The following ZNF839 variants were observed in gnomAD, a reference collection of about 807,000 sequenced individuals.
The protein encoded by ZNF839 is zinc finger protein 839.
Under a neutral mutation model 56.4 loss-of-function variants are expected in ZNF839, and 38 were observed. The observed-to-expected ratio is 0.67, with a 90% CI of 0.52 to 0.88. ZNF839 has a LOEUF of 0.88. Among genes scored for constraint, ZNF839 ranks in the 40% least tolerant of loss-of-function variants. The pLI is 0.00. For missense variants in ZNF839, 1,091 were observed against 1,177.6 expected (o/e 0.93, Z 1.08); for synonymous variants, 486 against 493.5 (o/e 0.98, Z 0.20).
At position 102,328,410 on chromosome 14, in the gene ZNF839, A is replaced by G. The variant is rs61283884; in HGVS notation, c.1191+1523A>G. On this transcript the variant is annotated intron_variant, in intron 2 of 7. Coordinates refer to ENST00000442396, the MANE Select transcript of ZNF839 (RefSeq NM_018335.6). ...TATATATATATATATATATATATAT[A>G]TGTATACACACACACACATATAGTA... 2.0e-3 allele frequency among the ~76,000 whole-genome samples: 231 copies of G among 113,570 alleles called. 3 individuals are homozygous for G. The highest frequency in any genetic ancestry group is 7.3e-3 in the African/African-American group (220 of 30,318). 74.5% of individuals were successfully genotyped at this position (113,570 alleles called of 152,430 possible). A position where few individuals can be genotyped will look rare whatever the true frequency, so the allele number is the denominator to read the frequency against.
At chr14:102,322,761 C>T (rs72698581) in intron 1 of ZNF839, among the ~76,000 whole-genome samples, 3,047 of 152,220 alleles carry the variant, frequency 0.02, 54 homozygotes, top group South Asian at 0.075. Flanking sequence ...GACAGGGTCC[C>T]GCTATGTTAC....
At position 102,338,908 on chromosome 14, in the gene ZNF839, T is replaced by A. The variant is rs116469270; in HGVS notation, c.1752T>A (p.Asp584Glu). ...LGPKHLSRDM[D>E]GEQLEGASSE... ...CCAAGCACCTCAGCCGAGACATGGA[T>A]GGGGAGCAGCTAGAGGGAGCTAGCA... is the stretch of plus-strand genomic sequence containing the variant. Residue 584 changes from aspartate (D) to glutamate (E), a missense_variant, in exon 6 of 8, where the codon GAT (aspartate) becomes GAA (glutamate). Coordinates refer to ENST00000442396, the MANE Select transcript of ZNF839 (RefSeq NM_018335.6). The A allele has an allele frequency of 1.2e-3, 1,857 of 1,613,542 alleles. 20 individuals are homozygous for A. The African/African-American group carries it at 0.021, about 19-fold the overall frequency.
rs576680763 is a variant in ZNF839 at position 102,326,917 on chromosome 14, T to C, written c.1191+30T>C. 1.5e-5 allele frequency: 23 copies of C among 1,545,624 alleles called. No homozygotes were observed. The highest frequency in any genetic ancestry group is 3.6e-5 in the South Asian group (3 of 82,584). On this transcript the variant is annotated intron_variant, in intron 2 of 7. Coordinates refer to ENST00000442396, the MANE Select transcript of ZNF839 (RefSeq NM_018335.6). The surrounding 1 kb of genome is among the most constrained non-coding windows in gnomAD (Gnocchi z 4.3). The stretch of plus-strand genomic sequence containing the variant: ...TGTTTCTGTCTGGGTATGTGTCTTT[T>C]TATTTGGCCGTTCTCGGATTGCTAT...
chr14:102,338,185 A>T (rs1423153820), intron 5 of ZNF839, among the ~76,000 whole-genome samples: 1 of 152,268 alleles, frequency 6.6e-6, no homozygotes, highest in Non-Finnish European at 1.5e-5. Flanking sequence ...TTACTATGGT[A>T]TCAGCTAACA....
upstream of ZNF839, among the ~76,000 whole-genome samples, chr14:102,318,407 C>T (rs1483961105): frequency 6.6e-6 from 1 of 152,016 alleles, no homozygotes; most frequent in East Asian, 1.9e-4. Context: ...CCGAGGCGGG[C>T]GGATCACCTA....
Position 102,320,034 on chromosome 14 carries a change from C to CGCGCCTGCT in ZNF839, c.270_278dup (p.Arg91_Leu93dup), listed in dbSNP as rs1398380332. The CGCGCCTGCT allele has an allele frequency of 1.7e-6, 2 of 1,180,480 alleles. No homozygotes were observed. Among genetic ancestry groups the CGCGCCTGCT allele is most frequent in the Admixed American group, 4.6e-5 (1 of 21,950 alleles). 73.1% of individuals were successfully genotyped at this position (1,180,480 alleles called of 1,614,324 possible). On this transcript the variant is annotated inframe_insertion, in exon 1 of 8. Coordinates refer to ENST00000442396, the MANE Select transcript of ZNF839 (RefSeq NM_018335.6). ...CGGGGCACCGAGCCCCCGCGCCTGC[C>CGCGCCTGCT]GCGCCTGCTCCCGCCCCAGGTGAGG...
At chr14:102,323,077 G>T (rs1331024792) in intron 1 of ZNF839, among the ~76,000 whole-genome samples, 2 of 152,234 alleles carry the variant, frequency 1.3e-5, no homozygotes, top group Non-Finnish European at 2.9e-5. Flanking sequence ...ATTCTGTCCT[G>T]TGTGACATTT....
At position 102,331,721 on chromosome 14, in the gene ZNF839, T is replaced by C. The variant is rs2073791304; in HGVS notation, c.1291T>C (p.Cys431Arg). The change falls in exon 3 of 8, where the codon TGC (cysteine) becomes CGC (arginine). Residue 431 changes from cysteine to arginine, a missense_variant. Cys to Arg is a radical substitution (Grantham distance 180). Transcript: ENST00000442396. The part of the protein sequence containing the change: ...ERYQGPRRRA[C>R]SETLAESRTA... ...ATACCAAGGACCTAGAAGACGCGCA[T>C]GCTCAGAGACCCTTGCAGAGTCCCG... 1 of 1,609,134 alleles carries C rather than the reference T, an allele frequency of 6.2e-7. No individual in the cohort carries two copies. The highest frequency in any genetic ancestry group is 8.5e-7 in the Non-Finnish European group (1 of 1,177,706).
rs1886483120 is a variant in ZNF839, at chr14:102,341,257, G to A, written c.1928-66G>A. 4 of 1,436,812 alleles carry A rather than the reference G, an allele frequency of 2.8e-6. No homozygotes were observed. In the South Asian group the frequency reaches 7.5e-5, roughly 27 times the overall value. The allele number at this position is 1,436,812 out of a possible 1,614,324, so 89.0% of individuals were successfully genotyped here. ...TGACTTGGCCTAGCTGGTTTTGGGT[G>A]GTGAGTGCAGTGAGTGGGCCATGAC... On this transcript the variant is annotated intron_variant, in intron 7 of 7. Coordinates refer to ENST00000442396, the MANE Select transcript of ZNF839 (RefSeq NM_018335.6).
chr14:102,333,143 GAA>G (rs2073862956), intron 3 of ZNF839, among the ~76,000 whole-genome samples: 1 of 151,962 alleles, frequency 6.6e-6, no homozygotes, highest in Non-Finnish European at 1.5e-5. Flanking sequence ...GTCTTATAAT[GAA>G]AAGATTTTTC....
intron 7 of ZNF839, among the ~76,000 whole-genome samples, chr14:102,340,015 C>G (rs1231949930): frequency 1.3e-5 from 2 of 151,958 alleles, no homozygotes; most frequent in Non-Finnish European, 2.9e-5. Context: ...CTTTGTCACC[C>G]AGGCTGGAGT....
intron 2 of ZNF839, chr14:102,331,413 T>C (rs2073774744): frequency 7.8e-6 from 4 of 512,222 alleles, no homozygotes; most frequent in East Asian, 6.9e-5. Context: ...CGCGCCTGGC[T>C]AATTTTTTGT....
At position 102,326,216 on chromosome 14, in the gene ZNF839, G is replaced by A. The variant is rs780719426; in HGVS notation, c.520G>A (p.Ala174Thr). Reference sequence around the variant, plus strand: ...CCTAAGTGACTTATGCCAACCTCCTGCTCAGGGGTTTGTACAGAGACCACT... The same window carrying A: ...CCTAAGTGACTTATGCCAACCTCCTACTCAGGGGTTTGTACAGAGACCACT... ...CFLSDLCQPP[A>T]QGFVQRPLPA... Residue 174 changes from alanine (A) to threonine (T), a missense_variant, in exon 2 of 8, where the codon GCT (alanine) becomes ACT (threonine). By Grantham distance (58) the Ala-to-Thr change is moderately conservative. This residue lies in a region of ZNF839 where 614 missense variants were observed against 629.2 expected (regional missense o/e 0.98). Coordinates refer to ENST00000442396, the MANE Select transcript of ZNF839 (RefSeq NM_018335.6). This position sits in a 1 kb window ranked among gnomAD's most constrained non-coding sequence, Gnocchi z 4.3. 6.2e-7 allele frequency: 1 copy of A among 1,613,744 alleles called. No homozygotes were observed. The highest frequency in any genetic ancestry group is 8.5e-7 in the Non-Finnish European group (1 of 1,179,866).
Position 102,326,204 on chromosome 14 carries a change from T to A in ZNF839, c.508T>A (p.Cys170Ser). The A allele has an allele frequency of 1.2e-6, 2 of 1,613,826 alleles. No homozygotes were observed. Among genetic ancestry groups the A allele is most frequent in the Non-Finnish European group, 8.5e-7 (1 of 1,179,790 alleles). The change falls in exon 2 of 8, where the codon TGC becomes AGC. Residue 170 changes from cysteine (C) to serine (S), a missense_variant. Physicochemically the swap from Cys to Ser is moderately radical, Grantham distance 112 (BLOSUM62 -1). This residue lies in a region of ZNF839 where 614 missense variants were observed against 629.2 expected (regional missense o/e 0.98). Transcript: ENST00000442396. This position sits in a 1 kb window ranked among gnomAD's most constrained non-coding sequence, Gnocchi z 4.3. The stretch of plus-strand genomic sequence containing the variant: ...ACAGTCCTGCTTCCTAAGTGACTTA[T>A]GCCAACCTCCTGCTCAGGGGTTTGT... ...EPQSCFLSDLCQPPAQGFVQR... is the reference protein window; with the variant it reads ...EPQSCFLSDLSQPPAQGFVQR...
At position 102,325,974 on chromosome 14, in the gene ZNF839, C is replaced by T; in HGVS notation, c.289-11C>T. On this transcript the variant is annotated splice_polypyrimidine_tract_variant and intron_variant, in intron 1 of 7. Transcript: ENST00000442396. ...TGCTTCTTTTCTCTTTCTTGTCTTT[C>T]TGTACGTAAGCAACTAGAAGCCATT... 1.2e-6 allele frequency: 2 copies of T among 1,609,624 alleles called. No homozygotes were observed. The highest frequency in any genetic ancestry group is 8.5e-7 in the Non-Finnish European group (1 of 1,178,110).
chr14:102,332,581 GA>G lies in ZNF839; in HGVS notation c.1416+736del. On this transcript the variant is annotated intron_variant, in intron 3 of 7. Coordinates refer to ENST00000442396, the MANE Select transcript of ZNF839 (RefSeq NM_018335.6). The surrounding 1 kb of genome is among the most constrained non-coding windows in gnomAD (Gnocchi z 4.9). ...GATAGACAGGGCTCGGCTCTTAGGG[GA>G]GAAACAGGACAGTCAAACCAGTCAT... Among the ~76,000 whole-genome samples, 1 of 152,236 alleles carries G rather than the reference GA, an allele frequency of 6.6e-6. No individual in the cohort carries two copies. Among genetic ancestry groups the G allele is most frequent in the East Asian group, 1.9e-4 (1 of 5,170 alleles).
chr14:102,341,627 G>A lies in ZNF839; in HGVS notation c.2232G>A (p.Pro744=), dbSNP rs754375666. 71 of 1,613,814 alleles carry A rather than the reference G, an allele frequency of 4.4e-5. 1 individual carries two copies. The highest frequency in any genetic ancestry group is 6.7e-5 in the Admixed American group (4 of 59,990). ...ACACCTGGGACAGCCTGAGGAGCCCGGGTTTCTGCAGCCCTTTGTCATCTG... is the reference window on the plus strand; with the variant it reads ...ACACCTGGGACAGCCTGAGGAGCCCAGGTTTCTGCAGCCCTTTGTCATCTG... ...DQDTWDSLRS[P]GFCSPLSSGG... Residue 744 remains proline (P), a synonymous_variant, in exon 8 of 8, where the codon CCG becomes CCA. Transcript: ENST00000442396.
chr14:102,321,815 G>A (rs955556021), intron 1 of ZNF839, among the ~76,000 whole-genome samples: 14 of 152,154 alleles, frequency 9.2e-5, no homozygotes, highest in African/African-American at 2.2e-4. Context: ...GAAAGGGTGC[G>A]TCTGAGTTGA....
At chr14:102,321,082 A>G (rs1347901393) in intron 1 of ZNF839, among the ~76,000 whole-genome samples, 1 of 152,182 alleles carries the variant, frequency 6.6e-6, no homozygotes, top group Non-Finnish European at 1.5e-5. Flanking sequence ...TTGTCTTGCT[A>G]AGGTTTAGGA....
Sources: gnomAD v4.1 joint callset for allele counts (sites outside exome capture counted in the v4.1 genomes callset) on GRCh38, gnomAD v4.1.1 for gene constraint, gnomAD v4.1.1 regional missense constraint, Gnocchi (gnomAD v3.1) non-coding constraint, MANE v1.5 for transcripts, NCBI Gene and HGNC (gene_info 2026-07-23, HGNC 2026-07-21) for gene names.